Variants in SHROOM4 observed in about 807,000 individuals in gnomAD.
The protein encoded by SHROOM4 is protein Shroom4.
Under a neutral mutation model 80.3 loss-of-function variants are expected in SHROOM4, and 17 were observed. The ratio of observed to expected loss-of-function variants is 0.21; its 90% CI spans 0.14 to 0.32. The LOEUF (loss-of-function observed/expected upper bound fraction) is 0.32, where lower values mean the gene tolerates loss of function less well. Ranked by LOEUF, SHROOM4 falls within the 10% of genes least tolerant of loss-of-function variation. The pLI, the probability that SHROOM4 is intolerant of heterozygous loss-of-function variation, is 1.00. For missense variants in SHROOM4, 993 were observed against 1,140.3 expected (o/e 0.87, Z 1.86); for synonymous variants, 400 against 437.5 (o/e 0.91, Z 1.07).
intron 5 of SHROOM4, among the ~76,000 whole-genome samples, chrX:50,618,937 G>A (rs1189557033): frequency 9.0e-6 from 1 of 111,589 alleles, no homozygotes; most frequent in Non-Finnish European, 1.9e-5. Flanking sequence ...ATTCATCCTC[G>A]GGCGTCCATG....
intron 2 of SHROOM4, chrX:50,649,705 G>A (rs1373476792): frequency 8.9e-6 from 1 of 112,215 alleles, no homozygotes; most frequent in Admixed American, 9.4e-5. Flanking sequence ...CCTGCACAAG[G>A]ATAATGCACA....
intron 2 of SHROOM4, among the ~76,000 whole-genome samples, chrX:50,678,441 T>C (rs1290517385): frequency 9.0e-6 from 1 of 111,707 alleles, no homozygotes; most frequent in African/African-American, 3.3e-5. Context: ...CCATAACTTC[T>C]AGCCATCTCA....
intron 4 of SHROOM4, among the ~76,000 whole-genome samples, chrX:50,629,004 G>T (rs1930933854): frequency 8.9e-6 from 1 of 111,770 alleles, no homozygotes; most frequent in African/African-American, 3.3e-5. Flanking sequence ...ACCATTACTT[G>T]TTCAACCACA....
intron 1 of SHROOM4, among the ~76,000 whole-genome samples, chrX:50,803,642 AT>A (rs1301817402): frequency 8.9e-6 from 1 of 112,010 alleles, no homozygotes; most frequent in African/African-American, 3.3e-5. Flanking sequence ...CACTGAATAA[AT>A]GTTGCTCTTA....
intron 2 of SHROOM4, among the ~76,000 whole-genome samples, chrX:50,651,982 T>C (rs1437444708): frequency 5.4e-5 from 6 of 112,017 alleles, no homozygotes; most frequent in African/African-American, 9.7e-5. Context: ...CAGTTTATCA[T>C]TGATGGGCAT....
chrX:50,786,657 G>T (rs1274459017), intron 1 of SHROOM4, among the ~76,000 whole-genome samples: 1 of 111,469 alleles, frequency 9.0e-6, no homozygotes, highest in Non-Finnish European at 1.9e-5. Flanking sequence ...ACTGATGAGG[G>T]TCTTCTCCTG....
At chrX:50,646,135 C>T (rs1456973505) in intron 2 of SHROOM4, among the ~76,000 whole-genome samples, 2 of 112,149 alleles carry the variant, frequency 1.8e-5, no homozygotes. Flanking sequence ...TGTGGTTGTG[C>T]TCAACCTGAG....
intron 1 of SHROOM4, among the ~76,000 whole-genome samples, chrX:50,803,844 G>A (rs1936175452): frequency 8.9e-6 from 1 of 112,003 alleles, no homozygotes; most frequent in African/African-American, 3.2e-5. Context: ...TTGACTGGTT[G>A]GTTGGTTAGT....
chrX:50,635,291 C>A lies in SHROOM4; in HGVS notation c.782G>T (p.Gly261Val). Residue 261 changes from glycine (G) to valine (V), a missense_variant, in exon 4 of 9, where the codon GGA becomes GTA. Transcript: ENST00000376020. ...SSQMSSRPQE[G>V]YQSGPAKAVR... ...TGCTTTGGCGGGCCCTGACTGGTAT[C>A]CCTCCTGTGGACGGGATGACATCTG... 1 of 1,201,203 alleles carries A rather than the reference C, an allele frequency of 8.3e-7. No homozygotes were observed. Among genetic ancestry groups the A allele is most frequent in the Non-Finnish European group, 1.1e-6 (1 of 890,174 alleles).
chrX:50,651,366 A>ATTTCTTCTTTT (rs1557258730), intron 2 of SHROOM4, among the ~76,000 whole-genome samples: 8 of 111,893 alleles, frequency 7.1e-5, no homozygotes, highest in Non-Finnish European at 1.5e-4. Context: ...AAAAGAAGAA[A>ATTTCTTCTTTT]CTCAGGCTTA....
At chrX:50,740,938 C>T (rs1012325279) in intron 1 of SHROOM4, among the ~76,000 whole-genome samples, 1 of 111,620 alleles carries the variant, frequency 9.0e-6, no homozygotes, top group African/African-American at 3.3e-5. Flanking sequence ...ATATTTAAGT[C>T]TTTAATCTAT....
At chrX:50,783,578 ATT>A (rs781820506) in intron 1 of SHROOM4, among the ~76,000 whole-genome samples, 56 of 102,797 alleles carry the variant, frequency 5.4e-4, no homozygotes, top group African/African-American at 1.9e-3. Flanking sequence ...GTCGATTCTA[ATT>A]TTTTTTTTTT....
intron 1 of SHROOM4, among the ~76,000 whole-genome samples, chrX:50,708,176 C>T (rs138327651): frequency 4.2e-3 from 469 of 112,183 alleles, no homozygotes; most frequent in Non-Finnish European, 7.1e-3. Context: ...AGGCCAGAAA[C>T]GTCCTCTACA....
chrX:50,682,675 T>TA (rs1932968568), intron 2 of SHROOM4, among the ~76,000 whole-genome samples: 1 of 111,631 alleles, frequency 9.0e-6, no homozygotes, highest in Middle Eastern at 4.2e-3. Context: ...TCTTGAGTGT[T>TA]GAATAAGAGT....
At chrX:50,603,915 T>G (rs1365832575) in intron 6 of SHROOM4, among the ~76,000 whole-genome samples, 2 of 111,622 alleles carry the variant, frequency 1.8e-5, no homozygotes, top group Non-Finnish European at 3.8e-5. Flanking sequence ...CCTCACTATA[T>G]TCTCATTGCC....
intron 1 of SHROOM4, among the ~76,000 whole-genome samples, chrX:50,799,794 C>T (rs934409755): frequency 2.7e-5 from 3 of 112,018 alleles, no homozygotes; most frequent in African/African-American, 9.8e-5. Flanking sequence ...ACACACACTA[C>T]ACCCACCTTA....
At chrX:50,602,184 C>T (rs782240619) in intron 7 of SHROOM4, among the ~76,000 whole-genome samples, 5 of 109,237 alleles carry the variant, frequency 4.6e-5, no homozygotes, top group African/African-American at 6.7e-5. Flanking sequence ...CTCCGCCTCC[C>T]GGGTTCAAGC....
intron 1 of SHROOM4, among the ~76,000 whole-genome samples, chrX:50,703,465 C>A (rs1557263689): frequency 8.9e-6 from 1 of 111,798 alleles, no homozygotes. Flanking sequence ...ACTAGCCTTT[C>A]CTCAGGCACC....
chrX:50,738,420 T>C (rs1447270644), intron 1 of SHROOM4, among the ~76,000 whole-genome samples: 1 of 111,129 alleles, frequency 9.0e-6, no homozygotes, highest in African/African-American at 3.3e-5. Flanking sequence ...GATTCTATAT[T>C]TAGAAAACCC....
Sources: allele counts gnomAD v4.1 joint callset (sites outside exome capture counted in the v4.1 genomes callset), GRCh38; gene constraint gnomAD v4.1.1; transcripts MANE v1.5; gene names NCBI Gene and HGNC (gene_info 2026-07-23, HGNC 2026-07-21).